The following LRRC4C variants were observed in gnomAD, a reference collection of about 807,000 sequenced individuals.
LRRC4C encodes leucine-rich repeat-containing protein 4C.
A neutral mutation model predicts 33.6 loss-of-function variants in LRRC4C; 5 were observed. That is an observed-to-expected ratio of 0.15 (90% CI 0.08 to 0.31). The LOEUF (loss-of-function observed/expected upper bound fraction) is 0.31, where lower values mean the gene tolerates loss of function less well. Ranked by LOEUF, LRRC4C falls within the 10% of genes least tolerant of loss-of-function variation. The probability of loss-of-function intolerance (pLI) is 1.00; values close to 1 mark genes in which losing one functional copy is unlikely to be tolerated. For synonymous variants in LRRC4C, 329 were observed against 302.0 expected (o/e 1.09, Z -0.93); for missense variants, 560 against 796.7 (o/e 0.70, Z 3.58).
intron 2 of LRRC4C, among the ~76,000 whole-genome samples, chr11:40,903,666 C>CT (rs1471352377): frequency 2.0e-5 from 3 of 152,068 alleles, no homozygotes; most frequent in Admixed American, 6.6e-5. Flanking sequence ...TTCTGGATGA[C>CT]TTTGAGGGGT....
chr11:41,182,994 A>G (rs1945521765), intron 1 of LRRC4C, among the ~76,000 whole-genome samples: 1 of 152,058 alleles, frequency 6.6e-6, no homozygotes, highest in African/African-American at 2.4e-5. Context: ...GGAAACTCCC[A>G]TTTTTTAAAA....
At chr11:40,744,684 C>G (rs898734974) in intron 2 of LRRC4C, among the ~76,000 whole-genome samples, 6 of 152,032 alleles carry the variant, frequency 3.9e-5, no homozygotes, top group African/African-American at 1.4e-4. Flanking sequence ...TTATTCTGAT[C>G]CCATCTTACT....
chr11:40,808,584 T>C (rs1951349659), intron 2 of LRRC4C, among the ~76,000 whole-genome samples: 2 of 152,166 alleles, frequency 1.3e-5, no homozygotes, highest in South Asian at 4.1e-4. Context: ...CCTTCTCCTC[T>C]GCACAACGGA....
intron 3 of LRRC4C, among the ~76,000 whole-genome samples, chr11:40,325,616 A>G (rs891370279): frequency 1.3e-5 from 2 of 152,032 alleles, no homozygotes; most frequent in African/African-American, 2.4e-5. Context: ...CAACAGAGCA[A>G]GGCCCTGTAT....
intron 1 of LRRC4C, among the ~76,000 whole-genome samples, chr11:41,281,074 C>CTCTG (rs1448458068): frequency 1.5e-5 from 2 of 133,972 alleles, no homozygotes; most frequent in Non-Finnish European, 3.1e-5. Flanking sequence ...CTCTCTCTCT[C>CTCTG]TGTCCTCTCT....
intron 1 of LRRC4C, among the ~76,000 whole-genome samples, chr11:41,021,494 A>T (rs1233171278): frequency 6.6e-6 from 1 of 152,130 alleles, no homozygotes; most frequent in Non-Finnish European, 1.5e-5. Context: ...TGGATGCAAG[A>T]TTTTAATGCC....
At chr11:40,308,935 T>C (rs571391565) in intron 4 of LRRC4C, among the ~76,000 whole-genome samples, 1 of 152,304 alleles carries the variant, frequency 6.6e-6, no homozygotes, top group African/African-American at 2.4e-5. Context: ...GGCTGCACCA[T>C]CCATATTTCT....
At chr11:41,019,531 T>A (rs1270772813) in intron 1 of LRRC4C, among the ~76,000 whole-genome samples, 1 of 152,174 alleles carries the variant, frequency 6.6e-6, no homozygotes, top group Admixed American at 6.5e-5. Flanking sequence ...TTTGGGTATG[T>A]ATCTAGTAAT....
At chr11:40,736,876 T>G (rs866027002) in intron 2 of LRRC4C, among the ~76,000 whole-genome samples, 1 of 117,648 alleles carries the variant, frequency 8.5e-6, no homozygotes. Context: ...TTTTTTTTTG[T>G]AAATTTGTTC....
chr11:40,523,543 T>C (rs1329683039), intron 3 of LRRC4C, among the ~76,000 whole-genome samples: 2 of 149,226 alleles, frequency 1.3e-5, no homozygotes, highest in East Asian at 3.9e-4. Context: ...AAATATTATA[T>C]ATAAATGAAA....
rs548020412 is a variant in LRRC4C at position 40,741,052 on chromosome 11, A to T, written c.-406-92774T>A. Among the ~76,000 whole-genome samples, 5 of 152,138 alleles carry T rather than the reference A, an allele frequency of 3.3e-5. No homozygotes were observed. In the East Asian group the frequency reaches 9.7e-4, roughly 29 times the overall value. ...CTAGAATATTCTGAGATCAAGTATG[A>T]TCTTTTGACTATTATTCAACAAACA... On this transcript the variant is annotated intron_variant, in intron 2 of 6. Transcript: ENST00000528697.
intron 2 of LRRC4C, among the ~76,000 whole-genome samples, chr11:40,872,441 T>C (rs1000489055): frequency 6.6e-6 from 1 of 152,160 alleles, no homozygotes; most frequent in Non-Finnish European, 1.5e-5. Flanking sequence ...ATGGCAAGAA[T>C]TTCCCATTAT....
chr11:41,347,534 A>G (rs1439942064), intron 1 of LRRC4C, among the ~76,000 whole-genome samples: 1 of 152,206 alleles, frequency 6.6e-6, no homozygotes, highest in Non-Finnish European at 1.5e-5. Flanking sequence ...TTTTTAAAAT[A>G]CAAAATTTCA....
At chr11:40,526,574 TG>T (rs1305296273) in intron 3 of LRRC4C, among the ~76,000 whole-genome samples, 3 of 152,028 alleles carry the variant, frequency 2.0e-5, no homozygotes, top group African/African-American at 7.2e-5. Flanking sequence ...TACCAAATAT[TG>T]GGGGTACTGA....
intron 1 of LRRC4C, among the ~76,000 whole-genome samples, chr11:41,247,805 G>A (rs1948501868): frequency 6.6e-6 from 1 of 150,456 alleles, no homozygotes; most frequent in Non-Finnish European, 1.5e-5. Flanking sequence ...TAACTTTGCT[G>A]TGCAGAATTA....
intron 2 of LRRC4C, among the ~76,000 whole-genome samples, chr11:40,736,294 G>C (rs1381819893): frequency 6.6e-6 from 1 of 151,934 alleles, no homozygotes; most frequent in African/African-American, 2.4e-5. Context: ...TTAGTTTGCT[G>C]AGAAGGATGG....
chr11:40,117,111 T>A (rs766756795), intron 6 of LRRC4C, among the ~76,000 whole-genome samples: 2 of 152,194 alleles, frequency 1.3e-5, no homozygotes, highest in Non-Finnish European at 2.9e-5. Flanking sequence ...GTTTAGTAAG[T>A]ATAAATCAGG....
chr11:40,706,127 A>G (rs1946159112), intron 2 of LRRC4C, among the ~76,000 whole-genome samples: 1 of 152,004 alleles, frequency 6.6e-6, no homozygotes, highest in African/African-American at 2.4e-5. Flanking sequence ...TCAGATGGGT[A>G]GATTGCAAAA....
At chr11:40,657,477 C>A (rs1201188622) in intron 2 of LRRC4C, among the ~76,000 whole-genome samples, 1 of 148,570 alleles carries the variant, frequency 6.7e-6, no homozygotes. Context: ...TTAGGGCAAA[C>A]CTGTCTCCCA....
Sources: allele counts gnomAD v4.1 joint callset (sites outside exome capture counted in the v4.1 genomes callset), GRCh38; gene constraint gnomAD v4.1.1; transcripts MANE v1.5; gene names NCBI Gene and HGNC (gene_info 2026-07-23, HGNC 2026-07-21).